TRABD2B: variants seen among roughly 807,000 people sequenced by gnomAD.
The protein encoded by TRABD2B is TraB domain containing 2B, also known as metalloprotease TIKI2.
TRABD2B carries 14 observed loss-of-function variants against 40.1 expected under a neutral mutation model. The ratio of observed to expected loss-of-function variants is 0.35; its 90% confidence interval spans 0.23 to 0.55. The LOEUF (loss-of-function observed/expected upper bound fraction) is 0.55. TRABD2B is among the 20% of genes least tolerant of loss of function. The pLI is 0.90. For synonymous variants in TRABD2B, 263 were observed against 277.0 expected, an observed-to-expected ratio of 0.95 and a Z score of 0.50; for missense variants, 541 against 648.6, an observed-to-expected ratio of 0.83 and a Z score of 1.80.
chr1:47,994,058 G>A lies in TRABD2B; in HGVS notation c.642C>T (p.Leu214=). The change falls in exon 2 of 7, where the codon CTC becomes CTT. Residue 214 remains leucine (L), a synonymous_variant. Transcript: ENST00000606738. This position sits in a 1 kb window ranked among gnomAD's most constrained non-coding sequence, Gnocchi z 6.7. ...CCTGGGAGAAGTTGAGCCCGTTGTT[G>A]AGGGGATGGCACTGCTCCTCCACCT... ...VEQVEEQCHP[L]NNGLNFSQVL... is the part of the protein sequence containing the mutation. 6.5e-7 allele frequency: 1 copy of A among 1,535,800 alleles called. No homozygotes were observed. The highest frequency in any genetic ancestry group is 8.7e-7 in the Non-Finnish European group (1 of 1,146,570).
chr1:47,973,176 G>A (rs1251745667), intron 2 of TRABD2B, among the ~76,000 whole-genome samples: 2 of 152,214 alleles, frequency 1.3e-5, no homozygotes, highest in African/African-American at 4.8e-5. Context: ...GCTATGGGCT[G>A]GACACTAGGA....
intron 2 of TRABD2B, among the ~76,000 whole-genome samples, chr1:47,889,836 C>T (rs557157834): frequency 6.6e-6 from 1 of 152,328 alleles, no homozygotes; most frequent in Admixed American, 6.5e-5. Context: ...CTCTCGTTCT[C>T]CATGTTATAA....
intron 2 of TRABD2B, among the ~76,000 whole-genome samples, chr1:47,804,040 C>T (rs1644857153): frequency 6.6e-6 from 1 of 152,290 alleles, no homozygotes; most frequent in Non-Finnish European, 1.5e-5. Flanking sequence ...GGCAACAGGG[C>T]CAAGCGTGTG....
At chr1:47,848,024 T>C (rs750221462) in intron 2 of TRABD2B, among the ~76,000 whole-genome samples, 19 of 152,280 alleles carry the variant, frequency 1.2e-4, no homozygotes, top group South Asian at 6.2e-4. Flanking sequence ...GACGTCTCTC[T>C]CCAGGCTAGG....
chr1:47,827,945 G>T (rs1259332854), intron 2 of TRABD2B, among the ~76,000 whole-genome samples: 2 of 152,208 alleles, frequency 1.3e-5, no homozygotes, highest in Non-Finnish European at 2.9e-5. Flanking sequence ...AGTCAAGTGA[G>T]CTTGGATGCA....
In TRABD2B at chr1:47,974,432, C is replaced by T. The variant is rs114025863; in HGVS notation, c.666+19602G>A. ...ACCTTCTCCCCAAACCCCAAGGACA[C>T]CAAGCATCTGTCCCCATCCAAACCC... is the stretch of plus-strand genomic sequence containing the variant. On this transcript the variant is annotated intron_variant, in intron 2 of 6. Coordinates refer to ENST00000606738, the MANE Select transcript of TRABD2B (RefSeq NM_001194986.2). Among the ~76,000 whole-genome samples, 248 of 152,246 alleles carry T rather than the reference C, an allele frequency of 1.6e-3. 1 individual carries two copies. The highest frequency in any genetic ancestry group is 5.4e-3 in the African/African-American group (226 of 41,540).
chr1:47,995,508 G>C (rs1204208446), intron 1 of TRABD2B, among the ~76,000 whole-genome samples: 1 of 151,850 alleles, frequency 6.6e-6, no homozygotes, highest in Non-Finnish European at 1.5e-5. Flanking sequence ...GTGCGTGTGT[G>C]TGTGTGTGTG....
chr1:47,794,605 G>A lies in TRABD2B; in HGVS notation c.969C>T (p.Cys323=). The A allele has an allele frequency of 2.0e-6, 3 of 1,532,570 alleles. No homozygotes were observed. Among genetic ancestry groups the A allele is most frequent in the Non-Finnish European group, 2.6e-6 (3 of 1,144,254 alleles). 94.9% of individuals were successfully genotyped at this position (1,532,570 alleles called of 1,614,324 possible). Residue 323 remains cysteine, a synonymous_variant, in exon 4 of 7, where the codon TGC becomes TGT. Coordinates refer to ENST00000606738, the MANE Select transcript of TRABD2B (RefSeq NM_001194986.2). ...ALLRENEDKI[C]FFAFGAGHFL... ...CCAAACCTGCTCCGAAGGCAAAGAA[G>A]CAGATCTTGTCCTCGTTCTCCCGTA...
chr1:47,806,240 A>G (rs1029425543), intron 2 of TRABD2B, among the ~76,000 whole-genome samples: 4 of 152,220 alleles, frequency 2.6e-5, no homozygotes, highest in Admixed American at 2.0e-4. Flanking sequence ...TGAGATTAGT[A>G]GATTAATTGG....
Position 47,788,147 on chromosome 1 carries a change from T to C in TRABD2B, c.988+6439A>G, listed in dbSNP as rs556535562. Among the ~76,000 whole-genome samples the C allele has an allele frequency of 7.2e-5, 11 of 152,318 alleles. No individual in the cohort carries two copies. In the South Asian group the frequency reaches 1.0e-3, roughly 14 times the overall value. On this transcript the variant is annotated intron_variant, in intron 4 of 6. Coordinates refer to ENST00000606738, the MANE Select transcript of TRABD2B (RefSeq NM_001194986.2). ...CCATCCTGTTTCCCTCCAAGAGGAA[T>C]TGAGGATGTGGAAGGGCCATATAAG...
intron 2 of TRABD2B, 57 bp from the exon 3 acceptor site, chr1:47,801,676 C>T: frequency 6.6e-7 from 1 of 1,509,078 alleles, no homozygotes; most frequent in Non-Finnish European, 8.9e-7. Context: ...TGGCTGAGCT[C>T]TAGGACTGAC....
rs956786901 is a variant in TRABD2B at position 47,845,075 on chromosome 1, G to A, written c.667-43456C>T. ...CATCCACCCAGCATCACTGTCCCCC[G>A]TCCATCAATCTCCAGACGCTGGTCA... On this transcript the variant is annotated intron_variant, in intron 2 of 6. Transcript: ENST00000606738. Among the ~76,000 whole-genome samples, 10 of 152,230 alleles carry A rather than the reference G, an allele frequency of 6.6e-5. 2 individuals carry two copies. The South Asian group carries it at 1.7e-3, about 25-fold the overall frequency.
intron 2 of TRABD2B, among the ~76,000 whole-genome samples, chr1:47,850,930 G>C (rs1645541189): frequency 6.6e-6 from 1 of 152,272 alleles, no homozygotes; most frequent in East Asian, 1.9e-4. Context: ...ACACAACCTA[G>C]ATCACTTGCA....
Position 47,765,917 on chromosome 1 carries a change from G to T in TRABD2B, c.1539C>A (p.Ser513Arg). 1 of 702,972 alleles carries T rather than the reference G, an allele frequency of 1.4e-6. No homozygotes were observed. The highest frequency in any genetic ancestry group is 2.6e-6 in the Non-Finnish European group (1 of 384,962). 43.5% of individuals were successfully genotyped at this position (702,972 alleles called of 1,614,324 possible). A position where few individuals can be genotyped will look rare whatever the true frequency, so the allele number is the denominator to read the frequency against. The change falls in exon 7 of 7, where the codon AGC becomes AGA. Residue 513 changes from serine (S) to arginine (R), a missense_variant. By Grantham distance (110) the Ser-to-Arg change is moderately radical. Coordinates refer to ENST00000606738, the MANE Select transcript of TRABD2B (RefSeq NM_001194986.2). The part of the protein sequence containing the change: ...TTIAVCFLLH[S>R]LGPS Reference sequence around the variant, plus strand: ...GTGGCCGAGGTCAGGAGGGCCCAAGGCTATGCAGCAGGAAGCAGACAGCGA... The same window carrying T: ...GTGGCCGAGGTCAGGAGGGCCCAAGTCTATGCAGCAGGAAGCAGACAGCGA...
intron 2 of TRABD2B, among the ~76,000 whole-genome samples, chr1:47,898,890 A>T (rs927100492): frequency 6.6e-6 from 1 of 152,166 alleles, no homozygotes; most frequent in Non-Finnish European, 1.5e-5. Context: ...GATCTACTCT[A>T]CTCAGCTGTG....
chr1:47,914,491 A>C (rs1309633758), intron 2 of TRABD2B, among the ~76,000 whole-genome samples: 1 of 152,208 alleles, frequency 6.6e-6, no homozygotes, highest in Non-Finnish European at 1.5e-5. Flanking sequence ...GGGCTGCTGG[A>C]ATGAATGGAG....
At chr1:47,868,482 G>A (rs1451517244) in intron 2 of TRABD2B, among the ~76,000 whole-genome samples, 2 of 152,164 alleles carry the variant, frequency 1.3e-5, no homozygotes, top group Non-Finnish European at 2.9e-5. Flanking sequence ...CACAGCAGGA[G>A]GTGAGCAGTG....
chr1:47,772,115 G>T (rs1251465845), intron 6 of TRABD2B, among the ~76,000 whole-genome samples: 1 of 152,030 alleles, frequency 6.6e-6, no homozygotes, highest in African/African-American at 2.4e-5. Context: ...ACATGGTGCT[G>T]GGTGATGACA....
In TRABD2B at chr1:47,943,053, T is replaced by C. The variant is rs942886035; in HGVS notation, c.666+50981A>G. On this transcript the variant is annotated intron_variant, in intron 2 of 6. Coordinates refer to ENST00000606738, the MANE Select transcript of TRABD2B (RefSeq NM_001194986.2). The stretch of plus-strand genomic sequence containing the variant: ...GAACAGTGGGTTCAAAGTCCAATCA[T>C]TTGGTTATTCTGAGCCTTTAGAAAA... 2.0e-5 allele frequency among the ~76,000 whole-genome samples: 3 copies of C among 152,216 alleles called. No individual in the cohort carries two copies. In the South Asian group the frequency reaches 6.2e-4, roughly 31 times the overall value.
Sources: allele counts gnomAD v4.1 joint callset (sites outside exome capture counted in the v4.1 genomes callset), GRCh38; gene constraint gnomAD v4.1.1; non-coding constraint Gnocchi (gnomAD v3.1); transcripts MANE v1.5; gene names NCBI Gene and HGNC (gene_info 2026-07-23, HGNC 2026-07-21).